SOCS5: variants seen among roughly 807,000 people sequenced by gnomAD.
SOCS5 encodes CIS-6.
A neutral mutation model predicts 42.8 loss-of-function variants in SOCS5; 32 were observed. That is an observed-to-expected ratio of 0.75 (90% confidence interval 0.56 to 1.01). The LOEUF (loss-of-function observed/expected upper bound fraction) is 1.01. SOCS5 is among the 50% of genes least tolerant of loss of function. The pLI, the probability that SOCS5 is intolerant of heterozygous loss-of-function variation, is 0.00. For missense variants in SOCS5, 627 were observed against 653.0 expected (o/e 0.96, Z 0.43); for synonymous variants, 283 against 229.6 (o/e 1.23, Z -2.10).
intron 1 of SOCS5, among the ~76,000 whole-genome samples, chr2:46,732,542 A>C (rs1037967748): frequency 5.3e-5 from 8 of 152,348 alleles, no homozygotes; most frequent in African/African-American, 1.9e-4. Context: ...GCAGGAGCCA[A>C]ATTCATCATG....
At chr2:46,710,425 G>T (rs115091183) in intron 1 of SOCS5, among the ~76,000 whole-genome samples, 2,870 of 152,290 alleles carry the variant, frequency 0.019, 76 homozygotes, top group African/African-American at 0.061. Flanking sequence ...GATTACAGGT[G>T]TGAGCCGCAG....
chr2:46,716,367 ATTTTTTTTTTTTT>A (rs35187667), intron 1 of SOCS5, among the ~76,000 whole-genome samples: 7 of 17,016 alleles, frequency 4.1e-4, no homozygotes, highest in East Asian at 2.6e-3. Flanking sequence ...GAGTGTCTTC[ATTTTTTTTTTTTT>A]TTTTTTTTTT....
chr2:46,727,355 C>G (rs937323701), intron 1 of SOCS5, among the ~76,000 whole-genome samples: 1 of 152,090 alleles, frequency 6.6e-6, no homozygotes, highest in Non-Finnish European at 1.5e-5. Context: ...GTGTTGGTGT[C>G]TGTTTATTGT....
Position 46,728,311 on chromosome 2 carries a change from G to A in SOCS5, c.-13+28862G>A, listed in dbSNP as rs374197783. ...GGTTTTATAGCTATATTCAGTAGGAGAGACAGGATGGAGTGTTTTTACTCT... is the reference window on the plus strand; with the variant it reads ...GGTTTTATAGCTATATTCAGTAGGAAAGACAGGATGGAGTGTTTTTACTCT... On this transcript the variant is annotated intron_variant, in intron 1 of 1. Coordinates refer to ENST00000394861, the MANE Select transcript of SOCS5 (RefSeq NM_144949.3). Among the ~76,000 whole-genome samples the A allele has an allele frequency of 7.0e-4, 106 of 152,288 alleles. No homozygotes were observed. The South Asian group carries it at 9.3e-3, about 13-fold the overall frequency.
chr2:46,746,379 G>T (rs566510569), intron 1 of SOCS5, among the ~76,000 whole-genome samples: 1 of 151,978 alleles, frequency 6.6e-6, no homozygotes, highest in Non-Finnish European at 1.5e-5. Flanking sequence ...CATCAGGGCC[G>T]GGTGGCTCAC....
intron 1 of SOCS5, 131 bp from the exon 2 acceptor site, chr2:46,758,388 G>C (rs1477871327): frequency 4.6e-6 from 3 of 656,910 alleles, no homozygotes; most frequent in East Asian, 5.5e-5. Context: ...CACTTCAGCA[G>C]GGCAGCGTAG....
intron 1 of SOCS5, among the ~76,000 whole-genome samples, chr2:46,726,456 C>A (rs1348875560): frequency 6.6e-6 from 1 of 152,108 alleles, no homozygotes; most frequent in East Asian, 1.9e-4. Flanking sequence ...TACACTGTAT[C>A]TTTTACTAAC....
intron 1 of SOCS5, among the ~76,000 whole-genome samples, chr2:46,717,315 C>T (rs1185832684): frequency 1.3e-5 from 2 of 152,178 alleles, no homozygotes; most frequent in South Asian, 2.1e-4. Context: ...CAGGGCTCCC[C>T]TTGCTTGTTT....
intron 1 of SOCS5, among the ~76,000 whole-genome samples, chr2:46,720,535 G>C (rs1038449145): frequency 6.6e-6 from 1 of 152,130 alleles, no homozygotes; most frequent in South Asian, 2.1e-4. Flanking sequence ...AAAACAGCTT[G>C]GTATTTTTTA....
intron 1 of SOCS5, among the ~76,000 whole-genome samples, chr2:46,722,002 TC>T (rs1672895005): frequency 6.6e-6 from 1 of 152,050 alleles, no homozygotes; most frequent in African/African-American, 2.4e-5. Flanking sequence ...TATTGTCATT[TC>T]TATTTCAAGG....
chr2:46,702,147 A>G (rs559397299), intron 1 of SOCS5, among the ~76,000 whole-genome samples: 5 of 152,110 alleles, frequency 3.3e-5, no homozygotes, highest in African/African-American at 1.2e-4. Context: ...AACTGTGCCT[A>G]CCTACTACAT....
At chr2:46,729,399 G>A (rs1000868237) in intron 1 of SOCS5, among the ~76,000 whole-genome samples, 17 of 152,092 alleles carry the variant, frequency 1.1e-4, no homozygotes, top group Non-Finnish European at 2.4e-4. Flanking sequence ...TTCATTGTTC[G>A]ACCATCATAG....
At chr2:46,728,691 G>C (rs1195912713) in intron 1 of SOCS5, among the ~76,000 whole-genome samples, 1 of 152,116 alleles carries the variant, frequency 6.6e-6, no homozygotes, top group East Asian at 1.9e-4. Context: ...GAATAGCTGG[G>C]ACTACAAGTG....
At chr2:46,729,905 C>G (rs1673078815) in intron 1 of SOCS5, among the ~76,000 whole-genome samples, 3 of 152,154 alleles carry the variant, frequency 2.0e-5, no homozygotes, top group Non-Finnish European at 2.9e-5. Context: ...CAAACATATA[C>G]AGCTGTACAA....
chr2:46,728,806 C>T (rs1388547987), intron 1 of SOCS5, among the ~76,000 whole-genome samples: 3 of 152,316 alleles, frequency 2.0e-5, no homozygotes, highest in Non-Finnish European at 2.9e-5. Context: ...ATTCGTCCAT[C>T]TTGGCCTCCC....
At chr2:46,721,332 G>A (rs1161752892) in intron 1 of SOCS5, among the ~76,000 whole-genome samples, 2 of 152,020 alleles carry the variant, frequency 1.3e-5, no homozygotes, top group Non-Finnish European at 2.9e-5. Context: ...CTGAGGCCCT[G>A]TATCATTTTG....
At chr2:46,712,519 T>G (rs1483031554) in intron 1 of SOCS5, among the ~76,000 whole-genome samples, 1 of 152,108 alleles carries the variant, frequency 6.6e-6, no homozygotes, top group Non-Finnish European at 1.5e-5. Flanking sequence ...AATTTTTGTA[T>G]TTTTAGTAAA....
chr2:46,756,432 T>C (rs1673732044), intron 1 of SOCS5, among the ~76,000 whole-genome samples: 1 of 152,236 alleles, frequency 6.6e-6, no homozygotes, highest in Non-Finnish European at 1.5e-5. Flanking sequence ...TATGTTTAAA[T>C]GTAAAAATTT....
intron 1 of SOCS5, among the ~76,000 whole-genome samples, chr2:46,700,418 G>A (rs903033260): frequency 1.3e-5 from 2 of 152,116 alleles, no homozygotes; most frequent in African/African-American, 2.4e-5. Flanking sequence ...CATAGTGGTG[G>A]CTTACTTCTT....
Sources: allele counts gnomAD v4.1 joint callset (sites outside exome capture counted in the v4.1 genomes callset), GRCh38; gene constraint gnomAD v4.1.1; transcripts MANE v1.5; gene names NCBI Gene and HGNC (gene_info 2026-07-23, HGNC 2026-07-21).